Variants in APP observed in about 807,000 individuals in gnomAD.
The protein encoded by APP is amyloid-beta precursor protein.
Under a neutral mutation model 101.4 loss-of-function variants are expected in APP, and 31 were observed. The observed-to-expected ratio is 0.31, with a 90% CI of 0.23 to 0.41. The LOEUF (loss-of-function observed/expected upper bound fraction) is 0.41. Ranked by LOEUF, APP falls within the 10% of genes least tolerant of loss-of-function variation. The pLI, the probability that APP is intolerant of heterozygous loss-of-function variation, is 1.00. For missense variants in APP, 839 were observed against 1,003.7 expected (o/e 0.84, Z 2.22); for synonymous variants, 366 against 364.4 (o/e 1.00, Z -0.05).
At chr21:26,155,611 AT>A (rs1214711533) in intron 1 of APP, among the ~76,000 whole-genome samples, 1 of 152,238 alleles carries the variant, frequency 6.6e-6, no homozygotes, top group Non-Finnish European at 1.5e-5. Context: ...TCCATATTAA[AT>A]GTGTAAAGGG....
At chr21:26,102,282 G>A (rs2062078937) in intron 2 of APP, among the ~76,000 whole-genome samples, 1 of 151,918 alleles carries the variant, frequency 6.6e-6, no homozygotes, top group Admixed American at 6.5e-5. Context: ...GTAGAGACAG[G>A]GTTTCACCGT....
At chr21:26,099,093 C>G (rs1354499858) in intron 2 of APP, among the ~76,000 whole-genome samples, 1 of 151,238 alleles carries the variant, frequency 6.6e-6, no homozygotes, top group Non-Finnish European at 1.5e-5. Context: ...ATTTAAAGCA[C>G]TGAAAATTTA....
At chr21:26,169,205 A>G (rs1448068005) in intron 1 of APP, 2 of 152,218 alleles carry the variant, frequency 1.3e-5, no homozygotes, top group Non-Finnish European at 2.9e-5. Flanking sequence ...AATGGGGAAG[A>G]CTTGTTATAC....
In APP at chr21:26,060,463, C is replaced by T. The variant is rs140428333; in HGVS notation, c.356-7115G>A. Among the ~76,000 whole-genome samples, 84 of 152,312 alleles carry T rather than the reference C, an allele frequency of 5.5e-4. 1 individual carries two copies. The highest frequency in any genetic ancestry group is 1.9e-3 in the African/African-American group (79 of 41,568). ...CTGTCCTTTATCCACTAACTCTTCA[C>T]TGCATACTTACAATTATGTCTCAGT... On this transcript the variant is annotated intron_variant, in intron 3 of 17. Transcript: ENST00000346798.
chr21:26,157,049 G>A (rs2063389870), intron 1 of APP, among the ~76,000 whole-genome samples: 2 of 152,062 alleles, frequency 1.3e-5, no homozygotes, highest in Non-Finnish European at 2.9e-5. Context: ...GACATGCCAA[G>A]ATTTAAATAA....
intron 15 of APP, among the ~76,000 whole-genome samples, chr21:25,900,846 G>A (rs1194431026): frequency 5.3e-5 from 8 of 151,462 alleles, no homozygotes; most frequent in East Asian, 3.9e-4. Context: ...AAAATTAGCC[G>A]GACGTGGTGG....
At chr21:25,887,952 C>T (rs1184449309) in intron 17 of APP, among the ~76,000 whole-genome samples, 5 of 152,198 alleles carry the variant, frequency 3.3e-5, no homozygotes, top group East Asian at 3.9e-4. Flanking sequence ...TTCATTTATA[C>T]ATTTGTTCTC....
At chr21:25,937,356 C>T (rs574699334) in intron 13 of APP, among the ~76,000 whole-genome samples, 17 of 152,182 alleles carry the variant, frequency 1.1e-4, no homozygotes, top group Non-Finnish European at 2.2e-4. Context: ...AGGATTCGCA[C>T]CTGGAGTTGG....
chr21:26,124,370 C>G (rs551330665), intron 1 of APP, among the ~76,000 whole-genome samples: 39 of 152,182 alleles, frequency 2.6e-4, no homozygotes, highest in African/African-American at 1.4e-4. Context: ...TCCTAGAAAA[C>G]AAGAAGGCTT....
chr21:26,091,690 C>T (rs1310586164), intron 2 of APP, among the ~76,000 whole-genome samples: 1 of 151,944 alleles, frequency 6.6e-6, no homozygotes, highest in Admixed American at 6.6e-5. Context: ...AGTGATTTGT[C>T]TGAAAGCATG....
intron 12 of APP, among the ~76,000 whole-genome samples, chr21:25,955,135 C>T (rs2041260188): frequency 6.6e-6 from 1 of 152,038 alleles, no homozygotes; most frequent in Non-Finnish European, 1.5e-5. Flanking sequence ...CTATTTCATG[C>T]TATATATATT....
chr21:25,965,622 T>A (rs1601051164), intron 11 of APP, among the ~76,000 whole-genome samples: 2 of 152,186 alleles, frequency 1.3e-5, no homozygotes, highest in Admixed American at 6.5e-5. Flanking sequence ...ATCTTTAAAC[T>A]GGTATCCATG....
chr21:25,918,326 C>G (rs946591213), intron 13 of APP, among the ~76,000 whole-genome samples: 1 of 152,212 alleles, frequency 6.6e-6, no homozygotes, highest in African/African-American at 2.4e-5. Context: ...GGCACATATA[C>G]ACCATGGAAT....
intron 5 of APP, among the ~76,000 whole-genome samples, chr21:26,050,023 G>T (rs941562059): frequency 1.5e-4 from 23 of 152,264 alleles, no homozygotes; most frequent in Non-Finnish European, 2.8e-4. Flanking sequence ...TGTAATTGGT[G>T]GGGGTAACCA....
At chr21:26,118,251 C>G (rs1390161667) in intron 1 of APP, among the ~76,000 whole-genome samples, 2 of 152,108 alleles carry the variant, frequency 1.3e-5, no homozygotes, top group East Asian at 3.9e-4. Flanking sequence ...TGCATTTAGG[C>G]AGGACCCAGT....
intron 1 of APP, among the ~76,000 whole-genome samples, chr21:26,137,522 A>AACGAG (rs2062947428): frequency 6.6e-6 from 1 of 152,172 alleles, no homozygotes; most frequent in Non-Finnish European, 1.5e-5. Flanking sequence ...GGAGTGGATC[A>AACGAG]ACGAGACGGA....
At chr21:25,954,567 C>G (rs778313205) in intron 13 of APP, 23 bp downstream of exon 13, 2 of 1,582,132 alleles carry the variant, frequency 1.3e-6, no homozygotes, top group Admixed American at 1.7e-5. Context: ...CCATGTGCAG[C>G]ATCAAAAGAA....
intron 17 of APP, among the ~76,000 whole-genome samples, chr21:25,882,177 TGGA>T (rs1297825051): frequency 4.6e-5 from 7 of 151,826 alleles, no homozygotes; most frequent in Non-Finnish European, 1.0e-4. Context: ...AAGAGTATCA[TGGA>T]GGGAGATTCA....
intron 5 of APP, among the ~76,000 whole-genome samples, chr21:26,033,204 C>A (rs925890802): frequency 1.3e-5 from 2 of 152,144 alleles, no homozygotes; most frequent in Non-Finnish European, 2.9e-5. Context: ...TAGAGAAAGA[C>A]CTGGTGGGAC....
Sources: gnomAD v4.1 joint callset for allele counts (sites outside exome capture counted in the v4.1 genomes callset) on GRCh38, gnomAD v4.1.1 for gene constraint, MANE v1.5 for transcripts, NCBI Gene and HGNC (gene_info 2026-07-23, HGNC 2026-07-21) for gene names.